The following CACNA2D4 variants were observed in gnomAD, a reference collection of about 807,000 sequenced individuals.
The protein encoded by CACNA2D4 is calcium voltage-gated channel auxiliary subunit alpha2delta 4.
A neutral mutation model predicts 163.8 loss-of-function variants in CACNA2D4; 157 were observed. That is an observed-to-expected ratio of 0.96 (90% CI 0.84 to 1.09). The LOEUF (loss-of-function observed/expected upper bound fraction) is 1.09, where lower values mean the gene tolerates loss of function less well. CACNA2D4 is among the 50% of genes least tolerant of loss of function. The pLI is 0.00. For synonymous variants in CACNA2D4, 598 were observed against 586.9 expected (o/e 1.02, Z -0.27); for missense variants, 1,410 against 1,479.9 (o/e 0.95, Z 0.78).
intron 6 of CACNA2D4, among the ~76,000 whole-genome samples, chr12:1,889,942 C>T (rs138689523): frequency 3.8e-4 from 58 of 152,246 alleles, no homozygotes; most frequent in Middle Eastern, 6.8e-3. Flanking sequence ...AATAGATCAT[C>T]CAAGAGAGAA....
chr12:1,808,565 G>A (rs1296438054), intron 29 of CACNA2D4, among the ~76,000 whole-genome samples: 4 of 152,270 alleles, frequency 2.6e-5, no homozygotes, highest in Non-Finnish European at 4.4e-5. Flanking sequence ...GGAAACGCTC[G>A]CCTACCCCTG....
At position 1,810,335 on chromosome 12, in the gene CACNA2D4, C is replaced by T; in HGVS notation, c.2664G>A (p.Leu888=). The T allele has an allele frequency of 6.2e-7, 1 of 1,613,872 alleles. No individual in the cohort carries two copies. The highest frequency in any genetic ancestry group is 8.5e-7 in the Non-Finnish European group (1 of 1,179,828). ...CGTTGTTGTCGATGACGAAGCAGTC[C>T]AGATCCTGGGAGGAAACCCAGAAGG... ...PCTQSCEDSD[L]DCFVIDNNGF... is the part of the protein sequence containing the mutation. Residue 888 remains leucine, a synonymous_variant, in exon 29 of 38, where the codon CTG becomes CTA. Coordinates refer to ENST00000382722, the MANE Select transcript of CACNA2D4 (RefSeq NM_172364.5).
intron 23 of CACNA2D4, among the ~76,000 whole-genome samples, chr12:1,847,348 G>T (rs1009856776): frequency 6.6e-6 from 1 of 152,218 alleles, no homozygotes; most frequent in Non-Finnish European, 1.5e-5. Context: ...CTATTACCTA[G>T]TTCCTCTCCA....
At chr12:1,912,177 C>A (rs1276777600) in intron 3 of CACNA2D4, among the ~76,000 whole-genome samples, 2 of 152,234 alleles carry the variant, frequency 1.3e-5, no homozygotes, top group African/African-American at 4.8e-5. Flanking sequence ...CTGGCCTCAG[C>A]CTCCCAATCC....
At chr12:1,830,662 G>A (rs951397025) in intron 26 of CACNA2D4, among the ~76,000 whole-genome samples, 4 of 152,222 alleles carry the variant, frequency 2.6e-5, no homozygotes, top group African/African-American at 9.6e-5. Flanking sequence ...GGCTGAGTCT[G>A]CAGGGTCATT....
Position 1,909,936 on chromosome 12 carries a change from G to T in CACNA2D4, c.456C>A (p.Asp152Glu). The change falls in exon 4 of 38, where the codon GAC becomes GAA. Residue 152 changes from aspartate to glutamate, a missense_variant. Transcript: ENST00000382722. ...QNLVEAAEEA[D>E]LNHEFNESLV... The stretch of plus-strand genomic sequence containing the variant: ...GGGATTCATTGAATTCGTGGTTCAG[G>T]TCGGCCTCCTCGGCAGCTTCCACCA... 6.2e-7 allele frequency: 1 copy of T among 1,613,840 alleles called. No individual in the cohort carries two copies. The highest frequency in any genetic ancestry group is 1.7e-5 in the Admixed American group (1 of 60,016).
chr12:1,879,131 G>A, intron 14 of CACNA2D4, 95 bp from the exon 15 acceptor site: 1 of 909,420 alleles, frequency 1.1e-6, no homozygotes, highest in African/African-American at 1.7e-5. Flanking sequence ...GGAAGAGGAA[G>A]CCACTTAGGC....
At chr12:1,808,567 C>G (rs544386702) in intron 29 of CACNA2D4, among the ~76,000 whole-genome samples, 1 of 152,338 alleles carries the variant, frequency 6.6e-6, no homozygotes, top group Non-Finnish European at 1.5e-5. Context: ...AAACGCTCGC[C>G]TACCCCTGCT....
chr12:1,796,981 C>T (rs995398922), intron 35 of CACNA2D4, among the ~76,000 whole-genome samples: 1 of 151,448 alleles, frequency 6.6e-6, no homozygotes, highest in Non-Finnish European at 1.5e-5. Flanking sequence ...GCCTTCTCTT[C>T]TCACACTCCC....
intron 6 of CACNA2D4, among the ~76,000 whole-genome samples, chr12:1,890,560 C>T (rs370095330): frequency 1.1e-3 from 165 of 152,336 alleles, no homozygotes; most frequent in African/African-American, 3.6e-3. Context: ...AGCAAGCATT[C>T]GCCAGCCGCC....
At chr12:1,892,621 C>T (rs1866312708) in intron 6 of CACNA2D4, among the ~76,000 whole-genome samples, 1 of 152,010 alleles carries the variant, frequency 6.6e-6, no homozygotes, top group African/African-American at 2.4e-5. Context: ...AATACAATGA[C>T]AGGAATAGCT....
At position 1,834,701 on chromosome 12, in the gene CACNA2D4, C is replaced by T; in HGVS notation, c.2551+6038G>A. The T allele has an allele frequency of 6.3e-7, 1 of 1,599,810 alleles. No individual in the cohort carries two copies. Among genetic ancestry groups the T allele is most frequent in the South Asian group, 1.1e-5 (1 of 90,828 alleles). On this transcript the variant is annotated intron_variant, in intron 26 of 37. Transcript: ENST00000382722. The surrounding 1 kb of genome is among the most constrained non-coding windows in gnomAD (Gnocchi z 7.6). ...CGAGGGCGAGCACGAGGACCAGAAG[C>T]AGATCTCTTCTGTGGCCTGAGCGCC...
chr12:1,902,609 T>C (rs369149173), intron 6 of CACNA2D4, among the ~76,000 whole-genome samples: 6 of 151,896 alleles, frequency 4.0e-5, no homozygotes, highest in Admixed American at 3.3e-4. Context: ...AGTAATCCCA[T>C]TTACAATAGC....
chr12:1,871,615 G>A (rs531988103), intron 18 of CACNA2D4, among the ~76,000 whole-genome samples: 13 of 151,140 alleles, frequency 8.6e-5, no homozygotes, highest in Middle Eastern at 3.5e-3. Context: ...TATGCCGCTC[G>A]TGTGTGCATG....
At chr12:1,846,904 C>A (rs1195287270) in intron 23 of CACNA2D4, among the ~76,000 whole-genome samples, 1 of 152,234 alleles carries the variant, frequency 6.6e-6, no homozygotes, top group African/African-American at 2.4e-5. Context: ...CGGGCAGCAC[C>A]CCTGTGAAGT....
intron 6 of CACNA2D4, among the ~76,000 whole-genome samples, chr12:1,906,318 T>C (rs1260970190): frequency 6.6e-6 from 1 of 152,046 alleles, no homozygotes; most frequent in Non-Finnish European, 1.5e-5. Context: ...ATAACCAAAT[T>C]GGATTTCAGA....
At chr12:1,817,196 GGA>G (rs1863905085) in intron 26 of CACNA2D4, among the ~76,000 whole-genome samples, 1 of 152,198 alleles carries the variant, frequency 6.6e-6, no homozygotes, top group Non-Finnish European at 1.5e-5. Context: ...GTGCCAGAAG[GGA>G]GACCAGAGAT....
Position 1,828,127 on chromosome 12 carries a change from C to T in CACNA2D4, c.2551+12612G>A, listed in dbSNP as rs1481091526. The T allele has an allele frequency of 2.0e-6, 3 of 1,522,062 alleles. No homozygotes were observed. Among genetic ancestry groups the T allele is most frequent in the East Asian group, 2.5e-5 (1 of 39,948 alleles). The allele number at this position is 1,522,062 out of a possible 1,614,324, so 94.3% of individuals were successfully genotyped here. A position where few individuals can be genotyped will look rare whatever the true frequency, so the allele number is the denominator to read the frequency against. ...TCCTCTCTCCCCAGAGCGACAGGGCCCGGAGAGCCGTGGGCCTCACCATGC... is the reference window on the plus strand; with the variant it reads ...TCCTCTCTCCCCAGAGCGACAGGGCTCGGAGAGCCGTGGGCCTCACCATGC... On this transcript the variant is annotated intron_variant, in intron 26 of 37. Coordinates refer to ENST00000382722, the MANE Select transcript of CACNA2D4 (RefSeq NM_172364.5). The surrounding 1 kb of genome is among the most constrained non-coding windows in gnomAD (Gnocchi z 4.2).
intron 20 of CACNA2D4, among the ~76,000 whole-genome samples, chr12:1,856,580 C>A (rs916186026): frequency 1.3e-5 from 2 of 152,196 alleles, no homozygotes; most frequent in African/African-American, 2.4e-5. Flanking sequence ...CATGTAATAA[C>A]CTTGTGCTTC....
Sources: allele counts gnomAD v4.1 joint callset (sites outside exome capture counted in the v4.1 genomes callset), GRCh38; gene constraint gnomAD v4.1.1; non-coding constraint Gnocchi (gnomAD v3.1); transcripts MANE v1.5; gene names NCBI Gene and HGNC (gene_info 2026-07-23, HGNC 2026-07-21).